HOOK3: variants seen among roughly 807,000 people sequenced by gnomAD.
HOOK3 encodes the protein protein Hook homolog 3.
In HOOK3, 24 loss-of-function variants were observed where a neutral mutation model predicts 116.3. The observed-to-expected ratio is 0.21, with a 90% CI of 0.15 to 0.29. HOOK3 has a LOEUF of 0.29. Ranked by LOEUF, HOOK3 falls within the 10% of genes least tolerant of loss-of-function variation. HOOK3 has a pLI of 1.00. For missense variants in HOOK3, 632 were observed against 830.2 expected, an observed-to-expected ratio of 0.76 and a Z score of 2.93; for synonymous variants, 275 against 283.0, an observed-to-expected ratio of 0.97 and a Z score of 0.28.
At chr8:42,990,276 A>G (rs963330159) in intron 15 of HOOK3, among the ~76,000 whole-genome samples, 7 of 139,122 alleles carry the variant, frequency 5.0e-5, no homozygotes, top group Admixed American at 3.7e-4. Flanking sequence ...GATTATAGGC[A>G]TGAACCACCA....
intron 13 of HOOK3, 71 bp downstream of exon 13, chr8:42,974,265 C>A: frequency 8.7e-7 from 1 of 1,151,342 alleles, no homozygotes; most frequent in Non-Finnish European, 1.3e-6. Context: ...ACTCTTATTG[C>A]CCAGGCTGGA....
At chr8:42,982,486 T>C in intron 13 of HOOK3, 141 bp from the exon 14 acceptor site, 1 of 592,026 alleles carries the variant, frequency 1.7e-6, no homozygotes, top group Non-Finnish European at 3.0e-6. Flanking sequence ...TACTTAATAA[T>C]ATTTTAAGAC....
chr8:43,019,026 A>G lies in HOOK3; in HGVS notation c.*528A>G, dbSNP rs757037259. On this transcript the variant is annotated 3_prime_UTR_variant, in exon 22 of 22. Coordinates refer to ENST00000307602, the MANE Select transcript of HOOK3 (RefSeq NM_032410.4). The stretch of plus-strand genomic sequence containing the variant: ...GTTCTTTTTGCAAAGACTTGAATAC[A>G]TTGGCAGAGGTGCTAATCACATCTT... 3.5e-4 allele frequency: 74 copies of G among 208,662 alleles called. 1 individual carries two copies. Among genetic ancestry groups the G allele is most frequent in the African/African-American group, 1.5e-3 (68 of 44,186 alleles). The allele number at this position is 208,662 out of a possible 1,614,324, so 12.9% of individuals were successfully genotyped here.
intron 14 of HOOK3, among the ~76,000 whole-genome samples, chr8:42,984,051 G>A (rs1809001938): frequency 6.6e-6 from 1 of 152,112 alleles, no homozygotes; most frequent in Admixed American, 6.5e-5. Flanking sequence ...ACAATTTGTA[G>A]TTGTTGGTTA....
chr8:43,012,966 T>A, intron 19 of HOOK3, 85 bp from the exon 20 acceptor site: 1 of 850,958 alleles, frequency 1.2e-6, no homozygotes, highest in Non-Finnish European at 1.8e-6. Context: ...ATCCTTTTAT[T>A]TTAAAAAAAT....
chr8:43,014,597 G>A (rs1015421833), intron 21 of HOOK3, among the ~76,000 whole-genome samples: 1 of 151,926 alleles, frequency 6.6e-6, no homozygotes, highest in Non-Finnish European at 1.5e-5. Flanking sequence ...TGATCCACCT[G>A]CCTTGGCCTC....
chr8:42,973,006 A>G (rs1808752593), intron 11 of HOOK3, among the ~76,000 whole-genome samples: 1 of 152,234 alleles, frequency 6.6e-6, no homozygotes, highest in Non-Finnish European at 1.5e-5. Context: ...TGTTTTATAC[A>G]AAAAGAATTT....
intron 10 of HOOK3, 83 bp from the exon 11 acceptor site, chr8:42,967,930 T>G: frequency 3.9e-6 from 3 of 773,226 alleles, no homozygotes; most frequent in Non-Finnish European, 6.7e-6. Flanking sequence ...GATGTGTGTT[T>G]CCTGGCAATC....
In HOOK3 at chr8:43,014,284, A is replaced by AG. The variant is rs1491059591; in HGVS notation, c.2016+885dup. On this transcript the variant is annotated intron_variant, in intron 21 of 21. Transcript: ENST00000307602. ...CTGGGTGACACAGCAAGACTGTCTC[A>AG]GAAAAAAAAAAAAAAAAAAAAAAGT... is the stretch of plus-strand genomic sequence containing the variant. Among the ~76,000 whole-genome samples the AG allele has an allele frequency of 1.6e-3, 185 of 113,928 alleles. 1 individual carries two copies. Among genetic ancestry groups the AG allele is most frequent in the African/African-American group, 6.9e-3 (170 of 24,690 alleles). 74.7% of individuals were successfully genotyped at this position (113,928 alleles called of 152,430 possible). A position where few individuals can be genotyped will look rare whatever the true frequency, so the allele number is the denominator to read the frequency against.
At chr8:42,939,811 C>T (rs544790940) in intron 4 of HOOK3, among the ~76,000 whole-genome samples, 2,097 of 150,268 alleles carry the variant, frequency 0.014, 45 homozygotes, top group African/African-American at 0.05. Flanking sequence ...TCAGACGGGG[C>T]GGCCGGGCAG....
chr8:42,923,674 G>T (rs1254808649), intron 2 of HOOK3, among the ~76,000 whole-genome samples: 1 of 152,186 alleles, frequency 6.6e-6, no homozygotes, highest in Non-Finnish European at 1.5e-5. Flanking sequence ...GAGGAAACAG[G>T]AGTGATGGCT....
In HOOK3 at chr8:42,984,904, A is replaced by G. The variant is rs1809022032; in HGVS notation, c.1392-1751A>G. On this transcript the variant is annotated intron_variant, in intron 14 of 21. Coordinates refer to ENST00000307602, the MANE Select transcript of HOOK3 (RefSeq NM_032410.4). The stretch of plus-strand genomic sequence containing the variant: ...GGCGACAGCTAGATTCTGTCTGAAA[A>G]AAAAGAACAATGATGATAAAGATTC... Among the ~76,000 whole-genome samples, 3 of 152,252 alleles carry G rather than the reference A, an allele frequency of 2.0e-5. No homozygotes were observed. In the South Asian group the frequency reaches 6.2e-4, roughly 31 times the overall value.
chr8:42,921,970 G>T (rs1018758449), intron 2 of HOOK3, among the ~76,000 whole-genome samples: 1 of 152,132 alleles, frequency 6.6e-6, no homozygotes, highest in East Asian at 1.9e-4. Flanking sequence ...TTTTGCAGAA[G>T]TTTGCTCAAA....
intron 15 of HOOK3, among the ~76,000 whole-genome samples, chr8:42,988,431 C>T (rs1008394267): frequency 1.3e-5 from 2 of 152,160 alleles, no homozygotes. Flanking sequence ...TTGTTTCTCA[C>T]AGGCTTTATA....
At chr8:42,925,521 A>G (rs918188524) in intron 2 of HOOK3, 36 bp from the exon 3 acceptor site, 1 of 1,390,534 alleles carries the variant, frequency 7.2e-7, no homozygotes, top group African/African-American at 1.5e-5. Flanking sequence ...TGATAGCTAC[A>G]TGATTTTAAT....
Position 43,027,680 on chromosome 8 carries a change from T to A in HOOK3, c.*9182T>A, listed in dbSNP as rs942820200. On this transcript the variant is annotated 3_prime_UTR_variant, in exon 22 of 22. Transcript: ENST00000307602. ...ACTAATTAATTGTTGAATGATTAAG[T>A]CTCTAAGTATCTTAACTTCCATTGT... 15 of 205,730 alleles carry A rather than the reference T, an allele frequency of 7.3e-5. No homozygotes were observed. Among genetic ancestry groups the A allele is most frequent in the Non-Finnish European group, 3.0e-5 (3 of 100,346 alleles). The allele number at this position is 205,730 out of a possible 1,614,324, so 12.7% of individuals were successfully genotyped here. A position where few individuals can be genotyped will look rare whatever the true frequency, so the allele number is the denominator to read the frequency against.
chr8:42,922,854 T>C (rs1425045195), intron 2 of HOOK3, among the ~76,000 whole-genome samples: 1 of 145,286 alleles, frequency 6.9e-6, no homozygotes, highest in Non-Finnish European at 1.5e-5. Flanking sequence ...CACCCCAGCC[T>C]GGGCAACAGA....
intron 5 of HOOK3, among the ~76,000 whole-genome samples, chr8:42,945,701 G>A (rs1335448648): frequency 6.6e-6 from 1 of 152,144 alleles, no homozygotes; most frequent in Non-Finnish European, 1.5e-5. Flanking sequence ...AATGTCATTA[G>A]GTGGTGTTCA....
At chr8:42,951,717 C>T (rs769496699) in intron 6 of HOOK3, among the ~76,000 whole-genome samples, 3 of 151,930 alleles carry the variant, frequency 2.0e-5, no homozygotes, top group East Asian at 3.9e-4. Flanking sequence ...CCGAGGCAGG[C>T]GGATCACGAG....
Sources: gnomAD v4.1 joint callset for allele counts (sites outside exome capture counted in the v4.1 genomes callset) on GRCh38, gnomAD v4.1.1 for gene constraint, MANE v1.5 for transcripts, NCBI Gene and HGNC (gene_info 2026-07-23, HGNC 2026-07-21) for gene names.